The following PROM1 variants were observed in gnomAD, a reference collection of about 807,000 sequenced individuals.
PROM1 encodes prominin-1.
A neutral mutation model predicts 116.9 loss-of-function variants in PROM1; 105 were observed. The observed-to-expected ratio is 0.90, with a 90% confidence interval of 0.77 to 1.06. The LOEUF (loss-of-function observed/expected upper bound fraction) is 1.06, where lower values mean the gene tolerates loss of function less well. Among genes scored for constraint, PROM1 ranks in the 50% least tolerant of loss-of-function variants. PROM1 has a pLI of 0.00. For synonymous variants in PROM1, 393 were observed against 387.0 expected (o/e 1.02, Z -0.18); for missense variants, 1,122 against 1,045.2 (o/e 1.07, Z -1.01).
At chr4:15,970,646 G>A (rs1447632390) in intron 27 of PROM1, among the ~76,000 whole-genome samples, 2 of 151,638 alleles carry the variant, frequency 1.3e-5, no homozygotes, top group Admixed American at 6.6e-5. Context: ...ACATGCAGTC[G>A]TCCCTCTGGA....
At chr4:16,042,979 T>C (rs1348080689) in intron 2 of PROM1, among the ~76,000 whole-genome samples, 1 of 152,262 alleles carries the variant, frequency 6.6e-6, no homozygotes, top group Non-Finnish European at 1.5e-5. Context: ...TTTTTGCTTT[T>C]GGAAACTATA....
At chr4:16,033,931 T>A (rs1463501278) in intron 4 of PROM1, among the ~76,000 whole-genome samples, 3 of 151,992 alleles carry the variant, frequency 2.0e-5, no homozygotes, top group Non-Finnish European at 4.4e-5. Flanking sequence ...GTATGTATTT[T>A]TTTCCATTTT....
chr4:15,973,253 C>G (rs993363796), intron 26 of PROM1, among the ~76,000 whole-genome samples: 1 of 152,178 alleles, frequency 6.6e-6, no homozygotes, highest in Non-Finnish European at 1.5e-5. Context: ...TCAAGACCAG[C>G]CTGGCCAATA....
chr4:15,983,303 G>A (rs534874443), intron 23 of PROM1, among the ~76,000 whole-genome samples: 8 of 152,280 alleles, frequency 5.3e-5, no homozygotes, highest in South Asian at 2.1e-4. Context: ...TTCCAACAGC[G>A]TGAAGGGCTT....
intron 2 of PROM1, among the ~76,000 whole-genome samples, chr4:16,059,572 G>T (rs1739840675): frequency 6.6e-6 from 1 of 152,094 alleles, no homozygotes; most frequent in Non-Finnish European, 1.5e-5. Flanking sequence ...GGGTGGGGTG[G>T]TGCATGCCTG....
chr4:16,067,157 C>T (rs1578292575), intron 2 of PROM1, among the ~76,000 whole-genome samples: 1 of 152,342 alleles, frequency 6.6e-6, no homozygotes, highest in South Asian at 2.1e-4. Context: ...AGATCTCCTC[C>T]TCCATGGAGG....
intron 26 of PROM1, among the ~76,000 whole-genome samples, chr4:15,976,389 C>T (rs1393144783): frequency 6.6e-6 from 1 of 152,214 alleles, no homozygotes; most frequent in Non-Finnish European, 1.5e-5. Flanking sequence ...ATAAGGAGAG[C>T]TACGACAACC....
Position 15,993,893 on chromosome 4 carries a change from T to G in PROM1, c.1767+94A>C, listed in dbSNP as rs1721663064. The G allele has an allele frequency of 1.5e-5, 23 of 1,545,206 alleles. No individual in the cohort carries two copies. The South Asian group carries it at 2.8e-4, about 19-fold the overall frequency. On this transcript the variant is annotated intron_variant, in intron 16 of 27. Transcript: ENST00000447510. ...CTTTTAAATAGTTAATTTTATCTTT[T>G]GCAAATTTCATCTCAATTTCCAGAA...
intron 11 of PROM1, among the ~76,000 whole-genome samples, chr4:16,009,934 C>CAAAAA (rs4065768): frequency 2.7e-5 from 2 of 75,440 alleles, no homozygotes; most frequent in Non-Finnish European, 5.0e-5. Context: ...GACTCGCTCT[C>CAAAAA]AAAAAAAAAA....
chr4:15,981,488 C>T (rs112696259), intron 23 of PROM1, among the ~76,000 whole-genome samples: 13,119 of 151,536 alleles, frequency 0.087, 1,665 homozygotes, highest in African/African-American at 0.27. Flanking sequence ...AGGAGAATCA[C>T]GTGAACCCAG....
chr4:16,029,785 T>C lies in PROM1; in HGVS notation c.509+3519A>G, dbSNP rs112876627. The stretch of plus-strand genomic sequence containing the variant: ...GAAATTGAGTCCAATAAAAGGCAGG[T>C]GGACTGCTCTGGGTTTCTGAAAGAA... On this transcript the variant is annotated intron_variant, in intron 5 of 27. Coordinates refer to ENST00000447510, the MANE Select transcript of PROM1 (RefSeq NM_006017.3). 7.9e-3 allele frequency among the ~76,000 whole-genome samples: 1,210 copies of C among 152,336 alleles called. 32 individuals are homozygous for C. The highest frequency in any genetic ancestry group is 0.035 in the East Asian group (181 of 5,192).
intron 10 of PROM1, among the ~76,000 whole-genome samples, chr4:16,014,336 A>G (rs569463215): frequency 2.6e-4 from 40 of 152,318 alleles, no homozygotes; most frequent in African/African-American, 9.4e-4. Context: ...GGTTTTCTAT[A>G]TGCCTGACTC....
intron 11 of PROM1, among the ~76,000 whole-genome samples, chr4:16,011,416 A>G (rs1397166033): frequency 6.6e-6 from 1 of 152,194 alleles, no homozygotes; most frequent in Non-Finnish European, 1.5e-5. Flanking sequence ...GGATGAGACA[A>G]CCTAAACACG....
intron 13 of PROM1, chr4:16,003,182 T>C (rs1284238743): frequency 7.2e-6 from 3 of 417,126 alleles, no homozygotes; most frequent in Non-Finnish European, 9.8e-6. Context: ...CTAGTTATCA[T>C]TTCAGGGGCC....
At position 16,009,029 on chromosome 4, in the gene PROM1, T is replaced by C. The variant is rs1382801591; in HGVS notation, c.1221A>G (p.Ser407=). 9 of 1,600,014 alleles carry C rather than the reference T, an allele frequency of 5.6e-6. No individual in the cohort carries two copies. Among genetic ancestry groups the C allele is most frequent in the Non-Finnish European group, 6.0e-6 (7 of 1,167,568 alleles). ...TQRLPIQDIL[S]AFSVYVNNTE... is the part of the protein sequence containing the mutation. The stretch of plus-strand genomic sequence containing the variant: ...TGTTATTAACATAAACAGAGAATGC[T>C]GAGAGTATATCCTGAATAGGAAGAC... The change falls in exon 12 of 28, where the codon TCA becomes TCG. Residue 407 remains serine, a synonymous_variant. Transcript: ENST00000447510.
At chr4:15,996,109 G>T (rs1186175135) in intron 15 of PROM1, among the ~76,000 whole-genome samples, 4 of 152,326 alleles carry the variant, frequency 2.6e-5, no homozygotes, top group East Asian at 1.9e-4. Flanking sequence ...CAACCGAGGT[G>T]TTTCCATCAG....
intron 1 of PROM1, among the ~76,000 whole-genome samples, chr4:16,076,891 A>T (rs987868305): frequency 6.6e-6 from 1 of 152,264 alleles, no homozygotes; most frequent in East Asian, 1.9e-4. Flanking sequence ...TGAAGGCAGC[A>T]TGCTCGTTAA....
At chr4:16,041,785 A>AATAAATAAAT (rs1207310213) in intron 2 of PROM1, among the ~76,000 whole-genome samples, 11 of 37,618 alleles carry the variant, frequency 2.9e-4, no homozygotes, top group Non-Finnish European at 6.5e-4. Context: ...TAAATAAATA[A>AATAAATAAAT]ATATATATAT....
At chr4:16,080,550 T>C (rs998470537) in intron 1 of PROM1, 8 of 152,186 alleles carry the variant, frequency 5.3e-5, no homozygotes, top group Admixed American at 2.0e-4. Context: ...AAAGCAAATA[T>C]GGTGATCAAT....
Sources: allele counts gnomAD v4.1 joint callset (sites outside exome capture counted in the v4.1 genomes callset), GRCh38; gene constraint gnomAD v4.1.1; transcripts MANE v1.5; gene names NCBI Gene and HGNC (gene_info 2026-07-23, HGNC 2026-07-21).